Variants in BMPR1B observed in about 807,000 individuals in gnomAD.
BMPR1B encodes bone morphogenetic protein receptor type 1B, also known as bone morphogenetic protein receptor type-1B.
Under a neutral mutation model 59.1 loss-of-function variants are expected in BMPR1B, and 12 were observed. That is an observed-to-expected ratio of 0.20 (90% CI 0.13 to 0.33). BMPR1B has a LOEUF of 0.33. Among genes scored for constraint, BMPR1B ranks in the 10% least tolerant of loss-of-function variants. The probability of loss-of-function intolerance (pLI) is 1.00; values close to 1 mark genes in which losing one functional copy is unlikely to be tolerated. For synonymous variants in BMPR1B, 237 were observed against 207.3 expected, an observed-to-expected ratio of 1.14 and a Z score of -1.23; for missense variants, 550 against 610.9, an observed-to-expected ratio of 0.90 and a Z score of 1.05.
In BMPR1B at chr4:95,074,449, C is replaced by T. The variant is rs537615504; in HGVS notation, c.-17-29959C>T. ...GAAAGGCCTTTGTTTTCTCCTTACT[C>T]GGGGTGGAGGGGTGCACAGGAATAG... On this transcript the variant is annotated intron_variant, in intron 3 of 12. Coordinates refer to ENST00000515059, the MANE Select transcript of BMPR1B (RefSeq NM_001203.3). Among the ~76,000 whole-genome samples, 13 of 152,164 alleles carry T rather than the reference C, an allele frequency of 8.5e-5. No homozygotes were observed. In the East Asian group the frequency reaches 1.4e-3, roughly 16 times the overall value.
chr4:95,064,233 C>A (rs967165026), intron 3 of BMPR1B, among the ~76,000 whole-genome samples: 11 of 152,142 alleles, frequency 7.2e-5, no homozygotes, highest in Non-Finnish European at 1.6e-4. Flanking sequence ...CAGGGGTTCC[C>A]AACCCCTGGA....
intron 2 of BMPR1B, among the ~76,000 whole-genome samples, chr4:94,973,128 G>T (rs12501052): frequency 6.6e-6 from 1 of 152,024 alleles, no homozygotes; most frequent in Non-Finnish European, 1.5e-5. Flanking sequence ...AGGTGGGGTT[G>T]CCTATGACCC....
At chr4:95,133,346 A>G (rs1200683691) in intron 10 of BMPR1B, among the ~76,000 whole-genome samples, 1 of 152,196 alleles carries the variant, frequency 6.6e-6, no homozygotes, top group Non-Finnish European at 1.5e-5. Context: ...AAATGTAGTT[A>G]GAGTCCCTTG....
chr4:94,843,639 G>A (rs1422106907), intron 1 of BMPR1B, among the ~76,000 whole-genome samples: 2 of 151,464 alleles, frequency 1.3e-5, no homozygotes, highest in Admixed American at 6.6e-5. Flanking sequence ...GGTTATTATT[G>A]TATGTGTTTA....
intron 1 of BMPR1B, among the ~76,000 whole-genome samples, chr4:94,822,366 T>C (rs1312076379): frequency 6.6e-6 from 1 of 152,190 alleles, no homozygotes; most frequent in Non-Finnish European, 1.5e-5. Flanking sequence ...CATGAGCCCC[T>C]AGAAGGCAGA....
rs192893063 is a variant in BMPR1B, at chr4:95,021,005, G to A, written c.-18+24871G>A. On this transcript the variant is annotated intron_variant, in intron 3 of 12. Transcript: ENST00000515059. ...GCTGAGATTACAGGCATAAGCCACC[G>A]TGTCTGGCTATCTTATTTATGATCA... Among the ~76,000 whole-genome samples, 358 of 152,260 alleles carry A rather than the reference G, an allele frequency of 2.4e-3. 1 individual carries two copies. The Middle Eastern group carries it at 0.024, about 10-fold the overall frequency.
At chr4:94,936,503 T>G (rs1729304132) in intron 2 of BMPR1B, among the ~76,000 whole-genome samples, 2 of 152,106 alleles carry the variant, frequency 1.3e-5, no homozygotes, top group Admixed American at 1.3e-4. Context: ...GTTGTTGTTG[T>G]TGGGGGTGAG....
chr4:94,841,591 G>A (rs865981548), intron 1 of BMPR1B, among the ~76,000 whole-genome samples: 28 of 152,168 alleles, frequency 1.8e-4, no homozygotes, highest in Middle Eastern at 6.8e-3. Context: ...TGCGCTTCCC[G>A]AGTGAGGCAA....
In BMPR1B at chr4:95,077,077, T is replaced by C. The variant is rs541121848; in HGVS notation, c.-17-27331T>C. ...GAAATGGGAAGGAGATCAGAGAGTATTACAGTAACATTGGTTAGGGACAGG... is the reference window on the plus strand; with the variant it reads ...GAAATGGGAAGGAGATCAGAGAGTACTACAGTAACATTGGTTAGGGACAGG... On this transcript the variant is annotated intron_variant, in intron 3 of 12. Transcript: ENST00000515059. Among the ~76,000 whole-genome samples, 4 of 152,196 alleles carry C rather than the reference T, an allele frequency of 2.6e-5. No homozygotes were observed. In the South Asian group the frequency reaches 8.3e-4, roughly 32 times the overall value.
chr4:95,091,110 A>G (rs999186717), intron 3 of BMPR1B, among the ~76,000 whole-genome samples: 1 of 152,242 alleles, frequency 6.6e-6, no homozygotes, highest in Middle Eastern at 3.4e-3. Context: ...TATTATAAAG[A>G]TAGATTTCTA....
intron 2 of BMPR1B, among the ~76,000 whole-genome samples, chr4:94,970,332 C>CTCTCTCTT (rs1730740186): frequency 6.9e-6 from 1 of 144,408 alleles, no homozygotes; most frequent in African/African-American, 2.6e-5. Flanking sequence ...CTCTTTTTCT[C>CTCTCTCTT]TTTCGGAGTT....
chr4:94,866,592 A>G (rs572625431), intron 1 of BMPR1B, among the ~76,000 whole-genome samples: 73 of 151,240 alleles, frequency 4.8e-4, no homozygotes, highest in African/African-American at 1.6e-3. Flanking sequence ...TTTTGTTTGT[A>G]TGTTTGTTTT....
intron 2 of BMPR1B, among the ~76,000 whole-genome samples, chr4:94,944,663 T>A (rs1277269139): frequency 2.6e-5 from 4 of 152,232 alleles, no homozygotes; most frequent in Non-Finnish European, 5.9e-5. Context: ...TTATACTTTT[T>A]GGTTAGTTCT....
intron 2 of BMPR1B, among the ~76,000 whole-genome samples, chr4:94,960,414 C>T (rs933944546): frequency 2.0e-5 from 3 of 151,890 alleles, no homozygotes; most frequent in African/African-American, 7.3e-5. Flanking sequence ...GAGATGGTAC[C>T]ATCGGTTTCT....
intron 2 of BMPR1B, among the ~76,000 whole-genome samples, chr4:94,929,064 C>T (rs772734118): frequency 9.2e-5 from 14 of 152,124 alleles, no homozygotes; most frequent in Non-Finnish European, 1.8e-4. Flanking sequence ...TGCCTCCCAA[C>T]AATTCCAGCT....
intron 1 of BMPR1B, among the ~76,000 whole-genome samples, chr4:94,845,294 A>G (rs1386329103): frequency 3.3e-5 from 5 of 152,232 alleles, no homozygotes; most frequent in African/African-American, 1.2e-4. Flanking sequence ...GCAGTTCAGA[A>G]TAAATGGTTA....
intron 2 of BMPR1B, among the ~76,000 whole-genome samples, chr4:94,928,164 A>AT (rs201354985): frequency 0.03 from 4,172 of 140,204 alleles, 82 homozygotes; most frequent in East Asian, 0.099. Context: ...GTTTTATTGT[A>AT]TTTTTTTTTT....
intron 2 of BMPR1B, among the ~76,000 whole-genome samples, chr4:94,988,467 A>G (rs1560582336): frequency 6.6e-6 from 1 of 152,152 alleles, no homozygotes; most frequent in Non-Finnish European, 1.5e-5. Context: ...TTTAAGATCA[A>G]TTTCTATTGA....
At chr4:94,930,815 A>G (rs115404004) in intron 2 of BMPR1B, among the ~76,000 whole-genome samples, 2,417 of 152,244 alleles carry the variant, frequency 0.016, 64 homozygotes, top group African/African-American at 0.055. Context: ...AAATATGCAA[A>G]AATTTTCAAG....
Sources: gnomAD v4.1 joint callset for allele counts (sites outside exome capture counted in the v4.1 genomes callset) on GRCh38, gnomAD v4.1.1 for gene constraint, MANE v1.5 for transcripts, NCBI Gene and HGNC (gene_info 2026-07-23, HGNC 2026-07-21) for gene names.